The following SUN3 variants were observed in gnomAD, a reference collection of about 807,000 sequenced individuals.
The protein encoded by SUN3 is Sad1 and UNC84 domain containing 3, also known as SUN domain-containing protein 3.
A neutral mutation model predicts 48.2 loss-of-function variants in SUN3; 36 were observed. That is an observed-to-expected ratio of 0.75 (90% CI 0.57 to 0.99). The LOEUF is 0.99. Among genes scored for constraint, SUN3 ranks in the 50% least tolerant of loss-of-function variants. The pLI is 0.00. For missense variants in SUN3, 419 were observed against 433.1 expected (o/e 0.97, Z 0.29); for synonymous variants, 148 against 147.9 (o/e 1.00, Z 0.00).
chr7:48,003,769 T>C (rs1374609666), intron 6 of SUN3, among the ~76,000 whole-genome samples: 1 of 152,190 alleles, frequency 6.6e-6, no homozygotes, highest in Non-Finnish European at 1.5e-5. Flanking sequence ...ATCCTGAGAC[T>C]TTGCTGAAGT....
chr7:47,992,450 G>A (rs1241953739), intron 8 of SUN3, among the ~76,000 whole-genome samples: 3 of 152,188 alleles, frequency 2.0e-5, no homozygotes, highest in Non-Finnish European at 2.9e-5. Flanking sequence ...GTCTCAGAAA[G>A]TATAATCATG....
intron 9 of SUN3, 48 bp downstream of exon 9, chr7:47,988,740 T>C: frequency 8.4e-7 from 1 of 1,193,072 alleles, no homozygotes; most frequent in Admixed American, 2.2e-5. Flanking sequence ...CCAACAAATT[T>C]CTCCCAGTGA....
intron 2 of SUN3, 111 bp downstream of exon 2, chr7:48,025,766 C>T: frequency 1.5e-6 from 1 of 667,404 alleles, no homozygotes; most frequent in Non-Finnish European, 2.5e-6. Context: ...TCACCTCCAG[C>T]ACTTTCCGTG....
chr7:48,023,779 T>C (rs994037689), intron 2 of SUN3, among the ~76,000 whole-genome samples: 2 of 152,210 alleles, frequency 1.3e-5, no homozygotes, highest in Admixed American at 6.5e-5. Context: ...CTTGTGTTCA[T>C]GAATTGGAAG....
upstream of SUN3, among the ~76,000 whole-genome samples, chr7:48,030,489 T>A (rs148745746): frequency 4.6e-5 from 7 of 152,254 alleles, no homozygotes; most frequent in Admixed American, 4.6e-4. Context: ...TAATATTTTA[T>A]AGGTATATTT....
At chr7:48,015,791 T>C (rs905239533) in intron 3 of SUN3, among the ~76,000 whole-genome samples, 1 of 152,160 alleles carries the variant, frequency 6.6e-6, no homozygotes, top group African/African-American at 2.4e-5. Flanking sequence ...TCCGACTCCA[T>C]CATGCTTCTA....
At chr7:47,994,507 C>A in intron 7 of SUN3, 25 bp from the exon 8 acceptor site, 1 of 1,581,692 alleles carries the variant, frequency 6.3e-7, no homozygotes, top group Non-Finnish European at 8.6e-7. Flanking sequence ...CTGAATTAAT[C>A]TCTTAACTAG....
chr7:48,030,412 C>T (rs538332304), upstream of SUN3, among the ~76,000 whole-genome samples: 1 of 152,334 alleles, frequency 6.6e-6, no homozygotes, highest in African/African-American at 2.4e-5. Context: ...ATCTATGCTA[C>T]CATTTATAGT....
chr7:48,009,538 G>A (rs1393859835), intron 3 of SUN3, among the ~76,000 whole-genome samples: 1 of 152,068 alleles, frequency 6.6e-6, no homozygotes, highest in East Asian at 1.9e-4. Flanking sequence ...ATAAGGAGGG[G>A]GACTCCCACT....
At chr7:48,012,191 A>G (rs1447889953) in intron 3 of SUN3, among the ~76,000 whole-genome samples, 2 of 152,134 alleles carry the variant, frequency 1.3e-5, no homozygotes, top group Non-Finnish European at 2.9e-5. Context: ...TGTCCAGAGC[A>G]CTCGTTAAGA....
chr7:48,028,723 T>TCGGGTAA (rs1790204023), intron 1 of SUN3, 94 bp downstream of exon 1: 3 of 1,495,982 alleles, frequency 2.0e-6, no homozygotes, highest in East Asian at 4.6e-5. Context: ...GAAAATACTG[T>TCGGGTAA]CGGGTAACAG....
chr7:47,988,710 T>A (rs1214042354), intron 9 of SUN3, 78 bp downstream of exon 9: 1 of 805,338 alleles, frequency 1.2e-6, no homozygotes. Context: ...TTCTCATACG[T>A]CACTTTACAT....
At chr7:48,035,379 T>G in the SUN3 span, 1 of 611,114 alleles carries the variant, frequency 1.6e-6, no homozygotes, top group East Asian at 3.0e-5. This position sits in a 1 kb window ranked among gnomAD's most constrained non-coding sequence, Gnocchi z 4.0. Flanking sequence ...CTACGGGCAG[T>G]TGACAGGCGG....
At chr7:48,004,149 T>G (rs1467589963) in intron 6 of SUN3, among the ~76,000 whole-genome samples, 1 of 152,242 alleles carries the variant, frequency 6.6e-6, no homozygotes, top group Non-Finnish European at 1.5e-5. Context: ...TTATGCTAGC[T>G]GCTTCAAGTC....
intron 5 of SUN3, among the ~76,000 whole-genome samples, chr7:48,006,868 G>A (rs557098211): frequency 6.6e-6 from 1 of 152,296 alleles, no homozygotes; most frequent in South Asian, 2.1e-4. Flanking sequence ...TAAGGTATTT[G>A]TGTATAGAGC....
intron 9 of SUN3, among the ~76,000 whole-genome samples, chr7:47,987,759 C>T (rs1788941400): frequency 1.3e-5 from 2 of 152,136 alleles, no homozygotes; most frequent in Admixed American, 1.3e-4. Flanking sequence ...GTCTTGAACT[C>T]CAGGGCTCAA....
At chr7:47,994,242 G>A (rs995476988) in intron 8 of SUN3, 73 bp downstream of exon 8, 2 of 1,462,498 alleles carry the variant, frequency 1.4e-6, no homozygotes, top group African/African-American at 1.4e-5. Context: ...CTAGTTCAGA[G>A]GACAGCCCCT....
intron 2 of SUN3, among the ~76,000 whole-genome samples, chr7:48,022,702 T>G (rs1259274894): frequency 2.0e-5 from 3 of 151,960 alleles, no homozygotes; most frequent in Admixed American, 1.3e-4. Flanking sequence ...TTAAAAAGAC[T>G]CATGCTGAAA....
intron 2 of SUN3, among the ~76,000 whole-genome samples, chr7:48,020,750 G>C (rs898668802): frequency 6.6e-6 from 1 of 151,852 alleles, no homozygotes; most frequent in African/African-American, 2.4e-5. Context: ...TCTCTACAAC[G>C]AAAACTATAA....
Sources: gnomAD v4.1 joint callset for allele counts (sites outside exome capture counted in the v4.1 genomes callset) on GRCh38, gnomAD v4.1.1 for gene constraint, Gnocchi (gnomAD v3.1) non-coding constraint, MANE v1.5 for transcripts, NCBI Gene and HGNC (gene_info 2026-07-23, HGNC 2026-07-21) for gene names.